ZC3H3: variants seen among roughly 807,000 people sequenced by gnomAD.
ZC3H3 encodes zinc finger CCCH domain-containing protein 3.
A neutral mutation model predicts 77.3 loss-of-function variants in ZC3H3; 36 were observed. The ratio of observed to expected loss-of-function variants is 0.47; its 90% CI spans 0.36 to 0.61. The LOEUF (loss-of-function observed/expected upper bound fraction) is 0.61. Among genes scored for constraint, ZC3H3 ranks in the 20% least tolerant of loss-of-function variants. ZC3H3 has a pLI of 0.00. For missense variants in ZC3H3, 1,331 were observed against 1,312.2 expected (o/e 1.01, Z -0.22); for synonymous variants, 626 against 555.2 (o/e 1.13, Z -1.79).
intron 3 of ZC3H3, among the ~76,000 whole-genome samples, chr8:143,534,279 T>TA (rs551776128): frequency 0.16 from 19,942 of 123,430 alleles, 1,856 homozygotes; most frequent in East Asian, 0.48. Context: ...CTAAAAACAT[T>TA]AAAAAAAAAA....
chr8:143,486,628 AAAG>A (rs1243308448), intron 4 of ZC3H3, among the ~76,000 whole-genome samples: 1 of 152,174 alleles, frequency 6.6e-6, no homozygotes, highest in Non-Finnish European at 1.5e-5. Context: ...GTGATGAACA[AAAG>A]AAGTCAGACA....
At position 143,441,088 on chromosome 8, in the gene ZC3H3, G is replaced by A; in HGVS notation, c.2340C>T (p.Asp780=). The change falls in exon 10 of 12, where the codon GAC becomes GAT. Residue 780 remains aspartate, a synonymous_variant. Coordinates refer to ENST00000262577, the MANE Select transcript of ZC3H3 (RefSeq NM_015117.3). ...CKKKHTLLCP[D]FARRGACPRG... is the part of the protein sequence containing the mutation. ...GGGGACACGCCCCCCTGCGGGCAAA[G>A]TCGGGGCACAGCAGCGTGTGTTTCT... The A allele has an allele frequency of 6.8e-7, 1 of 1,463,636 alleles. No individual in the cohort carries two copies. The highest frequency in any genetic ancestry group is 8.9e-7 in the Non-Finnish European group (1 of 1,119,050). 90.7% of individuals were successfully genotyped at this position (1,463,636 alleles called of 1,614,324 possible).
rs1159428177 is a variant in ZC3H3 at position 143,454,402 on chromosome 8, A to AT, written c.2307+11314dup. 9.4e-3 allele frequency among the ~76,000 whole-genome samples: 1,172 copies of AT among 125,092 alleles called. 11 individuals are homozygous for AT. Among genetic ancestry groups the AT allele is most frequent in the African/African-American group, 0.021 (716 of 33,322 alleles). The allele number at this position is 125,092 out of a possible 152,430, so 82.1% of individuals were successfully genotyped here. A position where few individuals can be genotyped will look rare whatever the true frequency, so the allele number is the denominator to read the frequency against. ...CATCGTGCCTGGCCAACAATTCATA[A>AT]TTTTTTTTTTTTTTTTGAGATGGAG... On this transcript the variant is annotated intron_variant, in intron 9 of 11. Coordinates refer to ENST00000262577, the MANE Select transcript of ZC3H3 (RefSeq NM_015117.3).
intron 3 of ZC3H3, among the ~76,000 whole-genome samples, chr8:143,516,310 G>A (rs1200020041): frequency 1.3e-5 from 2 of 152,184 alleles, no homozygotes; most frequent in Non-Finnish European, 2.9e-5. Flanking sequence ...GAGGGAAGGA[G>A]CCCCTGTATG....
chr8:143,532,949 G>A (rs965583122), intron 3 of ZC3H3, among the ~76,000 whole-genome samples: 11 of 152,148 alleles, frequency 7.2e-5, no homozygotes, highest in African/African-American at 1.7e-4. Flanking sequence ...TCACCTCCGC[G>A]CACATCTCCA....
At chr8:143,505,934 G>A (rs367629076) in intron 4 of ZC3H3, among the ~76,000 whole-genome samples, 1 of 152,206 alleles carries the variant, frequency 6.6e-6, no homozygotes, top group African/African-American at 2.4e-5. Context: ...CTCCCTGCAG[G>A]GCAGCTGGCC....
At chr8:143,478,787 G>A (rs1185260250) in intron 4 of ZC3H3, among the ~76,000 whole-genome samples, 1 of 152,252 alleles carries the variant, frequency 6.6e-6, no homozygotes. Context: ...CGGGATTACA[G>A]GCATGAGCCA....
intron 9 of ZC3H3, among the ~76,000 whole-genome samples, chr8:143,442,676 T>G (rs1331796524): frequency 1.3e-5 from 2 of 152,230 alleles, no homozygotes; most frequent in African/African-American, 4.8e-5. Context: ...AGAGGGCACC[T>G]GCCACACAGC....
rs189687337 is a variant in ZC3H3 at position 143,482,648 on chromosome 8, A to T, written c.1716-7063T>A. Among the ~76,000 whole-genome samples, 3 of 152,244 alleles carry T rather than the reference A, an allele frequency of 2.0e-5. No individual in the cohort carries two copies. In the East Asian group the frequency reaches 5.8e-4, roughly 29 times the overall value. The stretch of plus-strand genomic sequence containing the variant: ...GGGCTGGGGCAAGATGGGCTCTCTG[A>T]GAACAAAGGGAGCAGCGGGGCTCAA... On this transcript the variant is annotated intron_variant, in intron 4 of 11. Transcript: ENST00000262577.
intron 3 of ZC3H3, among the ~76,000 whole-genome samples, chr8:143,532,404 AGCT>A (rs892377207): frequency 6.6e-6 from 1 of 152,256 alleles, no homozygotes; most frequent in Non-Finnish European, 1.5e-5. Flanking sequence ...AGTCGTCCCC[AGCT>A]GGACACTGGG....
intron 9 of ZC3H3, among the ~76,000 whole-genome samples, chr8:143,446,185 G>A (rs1444353805): frequency 6.6e-6 from 1 of 152,144 alleles, no homozygotes; most frequent in East Asian, 1.9e-4. Flanking sequence ...ACCTCCAGCT[G>A]GATGAAAGTC....
chr8:143,495,367 T>C (rs1035522655), intron 4 of ZC3H3, among the ~76,000 whole-genome samples: 8 of 152,010 alleles, frequency 5.3e-5, no homozygotes, highest in South Asian at 2.1e-4. Context: ...CAGTGAGACT[T>C]AGAGGCACAG....
intron 4 of ZC3H3, among the ~76,000 whole-genome samples, chr8:143,485,715 C>T (rs979090397): frequency 6.6e-6 from 1 of 152,220 alleles, no homozygotes; most frequent in African/African-American, 2.4e-5. Context: ...TGTAAGCAGA[C>T]GTGTGGGGCG....
intron 4 of ZC3H3, among the ~76,000 whole-genome samples, chr8:143,485,653 C>T (rs886335118): frequency 6.6e-6 from 1 of 152,228 alleles, no homozygotes; most frequent in African/African-American, 2.4e-5. Context: ...ACAAAGAGCA[C>T]TACTCATAAA....
At chr8:143,536,077 G>T (rs570227150) in intron 3 of ZC3H3, among the ~76,000 whole-genome samples, 180 bp downstream of exon 3, 2 of 152,202 alleles carry the variant, frequency 1.3e-5, no homozygotes, top group Non-Finnish European at 2.9e-5. Flanking sequence ...ACTGCAGGGC[G>T]CAGCATCCGG....
chr8:143,477,191 T>C (rs772253760), intron 4 of ZC3H3, among the ~76,000 whole-genome samples: 3 of 152,158 alleles, frequency 2.0e-5, no homozygotes, highest in Non-Finnish European at 4.4e-5. Context: ...AGAGAGAGAA[T>C]GGGAGCAGAG....
At chr8:143,514,107 A>G (rs994906363) in intron 3 of ZC3H3, among the ~76,000 whole-genome samples, 1 of 152,164 alleles carries the variant, frequency 6.6e-6, no homozygotes, top group African/African-American at 2.4e-5. Context: ...GGCCAAGGCT[A>G]CACTGGGGGT....
rs565369567 is a variant in ZC3H3 at position 143,540,362 on chromosome 8, G to C, written c.46+1014C>G. On this transcript the variant is annotated intron_variant, in intron 1 of 11. Coordinates refer to ENST00000262577, the MANE Select transcript of ZC3H3 (RefSeq NM_015117.3). Reference sequence around the variant, plus strand: ...AAACCTTCCACCTCTGAGTAGCTGGGACTACAGGCGCAAGCCACCACGCCC... The same window carrying C: ...AAACCTTCCACCTCTGAGTAGCTGGCACTACAGGCGCAAGCCACCACGCCC... 1.3e-4 allele frequency among the ~76,000 whole-genome samples: 20 copies of C among 152,206 alleles called. No individual in the cohort carries two copies. In the East Asian group the frequency reaches 3.5e-3, roughly 27 times the overall value.
chr8:143,507,957 C>T (rs1821758003), intron 3 of ZC3H3, 58 bp from the exon 4 acceptor site: 1 of 1,487,260 alleles, frequency 6.7e-7, no homozygotes, highest in East Asian at 2.5e-5. Flanking sequence ...AGGGTAGGGT[C>T]AGAGAGGCCA....
Sources: gnomAD v4.1 joint callset for allele counts (sites outside exome capture counted in the v4.1 genomes callset) on GRCh38, gnomAD v4.1.1 for gene constraint, MANE v1.5 for transcripts, NCBI Gene and HGNC (gene_info 2026-07-23, HGNC 2026-07-21) for gene names.